Variants in ITIH3 observed in about 807,000 individuals in gnomAD.
ITIH3 encodes the protein inter-alpha-trypsin inhibitor heavy chain H3.
ITIH3 carries 81 observed loss-of-function variants against 96.5 expected under a neutral mutation model. The observed-to-expected ratio is 0.84, with a 90% CI of 0.70 to 1.01. The LOEUF is 1.01. ITIH3 is among the 50% of genes least tolerant of loss of function. ITIH3 has a pLI of 0.00. For missense variants in ITIH3, 1,057 were observed against 1,139.3 expected (o/e 0.93, Z 1.04); for synonymous variants, 422 against 445.2 (o/e 0.95, Z 0.66).
At chr3:52,800,017 A>C in intron 9 of ITIH3, 96 bp downstream of exon 9, 19 of 1,219,260 alleles carry the variant, frequency 1.6e-5, no homozygotes, top group East Asian at 7.2e-5. Context: ...TGCTGGTCTC[A>C]GGCCCTCTTC....
At chr3:52,804,069 G>T in intron 14 of ITIH3, 60 bp downstream of exon 14, 1 of 1,559,076 alleles carries the variant, frequency 6.4e-7, no homozygotes, top group African/African-American at 1.4e-5. Context: ...CCCTACCTGG[G>T]TGTCCAGTGG....
intron 13 of ITIH3, 62 bp downstream of exon 13, chr3:52,802,868 C>T: frequency 6.3e-7 from 1 of 1,581,802 alleles, no homozygotes; most frequent in Admixed American, 1.7e-5. Flanking sequence ...GCAAGGGCAC[C>T]CCCATACGCA....
intron 9 of ITIH3, 102 bp downstream of exon 9, chr3:52,800,023 TCTTC>T: frequency 9.0e-7 from 1 of 1,112,738 alleles, no homozygotes; most frequent in Non-Finnish European, 1.3e-6. Context: ...TCTCAGGCCC[TCTTC>T]AGATCTGAGC....
Position 52,796,831 on chromosome 3 carries a change from C to T in ITIH3, c.374C>T (p.Ala125Val). 1 of 1,606,152 alleles carries T rather than the reference C, an allele frequency of 6.2e-7. No individual in the cohort carries two copies. Among genetic ancestry groups the T allele is most frequent in the Non-Finnish European group, 8.5e-7 (1 of 1,176,450 alleles). The stretch of plus-strand genomic sequence containing the variant: ...AAGGCTGTGTCCCAGGGCAAGACGG[C>T]CGGCTTGGTCAAGTAAGTATGGACT... Reference protein sequence around the residue: ...YEKAVSQGKTAGLVKASGRKL... With the variant: ...YEKAVSQGKTVGLVKASGRKL... Residue 125 changes from alanine to valine, a missense_variant, in exon 4 of 22, where the codon GCC (alanine) becomes GTC (valine). Physicochemically the swap from Ala to Val is moderately conservative, Grantham distance 64. Transcript: ENST00000449956.
In ITIH3 at chr3:52,796,492, C is replaced by T. The variant is rs372383317; in HGVS notation, c.126C>T (p.Gly42=). The part of the protein sequence containing the change: ...KRSLPEGVAN[G]IEVYSTKINS... ...CCACCTCCCCAAAGGTGGCCAATGG[C>T]ATCGAGGTCTACAGTACCAAAATCA... Residue 42 remains glycine (G), a synonymous_variant, in exon 3 of 22, where the codon GGC becomes GGT. Coordinates refer to ENST00000449956, the MANE Select transcript of ITIH3 (RefSeq NM_002217.4). 14 of 1,611,972 alleles carry T rather than the reference C, an allele frequency of 8.7e-6. No individual in the cohort carries two copies. The African/African-American group carries it at 1.9e-4, about 22-fold the overall frequency.
chr3:52,801,930 C>T (rs545178820), intron 11 of ITIH3, among the ~76,000 whole-genome samples: 4 of 152,298 alleles, frequency 2.6e-5, no homozygotes, highest in East Asian at 3.9e-4. Context: ...CTCTGCAGGG[C>T]GACCACCCCA....
At chr3:52,808,492 G>T in intron 21 of ITIH3, 60 bp from the exon 22 acceptor site, 1 of 1,590,702 alleles carries the variant, frequency 6.3e-7, no homozygotes, top group South Asian at 1.1e-5. Context: ...TCTCAGGTCC[G>T]CTAGCCTAGC....
rs776364727 is a variant in ITIH3 at position 52,803,892 on chromosome 3, G to A, written c.1747G>A (p.Ala583Thr). 1 of 1,614,030 alleles carries A rather than the reference G, an allele frequency of 6.2e-7. No homozygotes were observed. The highest frequency in any genetic ancestry group is 1.1e-5 in the South Asian group (1 of 91,082). The change falls in exon 14 of 22, where the codon GCC (alanine) becomes ACC (threonine). Residue 583 changes from alanine (A) to threonine (T), a missense_variant. Coordinates refer to ENST00000449956, the MANE Select transcript of ITIH3 (RefSeq NM_002217.4). ...AHGEEKENLT[A>T]RALDLSLKYH... ...TGGCGAGGAGAAGGAGAACCTCACG[G>A]CCCGGGCCCTGGACCTGTCCCTCAA... is the stretch of plus-strand genomic sequence containing the variant.
chr3:52,801,318 C>G (rs1699822878), intron 11 of ITIH3, among the ~76,000 whole-genome samples, 172 bp downstream of exon 11: 1 of 152,252 alleles, frequency 6.6e-6, no homozygotes, highest in South Asian at 2.1e-4. Context: ...TTGGGCTACA[C>G]AACAGGCCCG....
intron 2 of ITIH3, 47 bp downstream of exon 2, chr3:52,795,670 T>G: frequency 1.3e-6 from 2 of 1,586,282 alleles, no homozygotes; most frequent in Non-Finnish European, 1.7e-6. Flanking sequence ...CAGGGCAGGA[T>G]GGAGCTGGTT....
At chr3:52,802,873 T>C in intron 13 of ITIH3, 67 bp downstream of exon 13, 1 of 1,573,664 alleles carries the variant, frequency 6.4e-7, no homozygotes. Context: ...GGCACCCCCA[T>C]ACGCAGTCCC....
In ITIH3 at chr3:52,797,120, GT is replaced by G. The variant is rs774451798; in HGVS notation, c.404del (p.Leu135TrpfsTer20). On this transcript the variant is annotated frameshift_variant, in exon 5 of 22. Coordinates refer to ENST00000449956, the MANE Select transcript of ITIH3 (RefSeq NM_002217.4). LOFTEE classifies it high-confidence loss of function. ...CCCTGGTCAGGGCCTCTGGGAGGAA[GT>G]TGGAGAAGTTCACAGTCTCGGTCAA... ...AGLVKASGRK[L>X]EKFTVSVNVA... is the part of the protein sequence containing the mutation. 1 of 1,609,646 alleles carries G rather than the reference GT, an allele frequency of 6.2e-7. No individual in the cohort carries two copies. The highest frequency in any genetic ancestry group is 8.5e-7 in the Non-Finnish European group (1 of 1,178,424).
chr3:52,803,960 G>A lies in ITIH3; in HGVS notation c.1815G>A (p.Lys605=). 1 of 1,613,864 alleles carries A rather than the reference G, an allele frequency of 6.2e-7. No homozygotes were observed. The highest frequency in any genetic ancestry group is 8.5e-7 in the Non-Finnish European group (1 of 1,179,838). The change falls in exon 14 of 22, where the codon AAG becomes AAA. Residue 605 remains lysine, a synonymous_variant. Coordinates refer to ENST00000449956, the MANE Select transcript of ITIH3 (RefSeq NM_002217.4). ...CACTGACCTCAATGGTGGTGACCAA[G>A]CCTGAGGACAACGAGGATGAGAGGG... ...VTPLTSMVVT[K]PEDNEDERAI...
Position 52,799,618 on chromosome 3 carries a change from G to A in ITIH3, c.906+130G>A, listed in dbSNP as rs557798146. 2.2e-5 allele frequency: 24 copies of A among 1,093,792 alleles called. No homozygotes were observed. The Admixed American group carries it at 3.1e-4, about 14-fold the overall frequency. 67.8% of individuals were successfully genotyped at this position (1,093,792 alleles called of 1,614,324 possible). A position where few individuals can be genotyped will look rare whatever the true frequency, so the allele number is the denominator to read the frequency against. ...GGGGACAGGATAAGAGAAGGCTCAC[G>A]GCCTCTGCCCGCTTCTGTGGCAAGC... On this transcript the variant is annotated intron_variant, in intron 8 of 21. Coordinates refer to ENST00000449956, the MANE Select transcript of ITIH3 (RefSeq NM_002217.4).
chr3:52,796,139 G>A, intron 2 of ITIH3: 1 of 275,994 alleles, frequency 3.6e-6, no homozygotes, highest in Non-Finnish European at 6.9e-6. Flanking sequence ...TGTGGAGGAT[G>A]AGCAGGAAGA....
In ITIH3 at chr3:52,799,736, CTT is replaced by C. The variant is rs1402347995; in HGVS notation, c.907-15_907-14del. The C allele has an allele frequency of 6.2e-7, 1 of 1,603,192 alleles. No homozygotes were observed. Among genetic ancestry groups the C allele is most frequent in the Non-Finnish European group, 8.5e-7 (1 of 1,175,626 alleles). On this transcript the variant is annotated splice_polypyrimidine_tract_variant and intron_variant, in intron 8 of 21. Transcript: ENST00000449956. The stretch of plus-strand genomic sequence containing the variant: ...CTCTCTGCTGCGGCTTCTCCCAGCT[CTT>C]TGTCTCTCCTCCAGACAAAGGAGGC...
intron 2 of ITIH3, 25 bp downstream of exon 2, chr3:52,795,648 G>A: frequency 6.2e-7 from 1 of 1,610,168 alleles, no homozygotes; most frequent in Non-Finnish European, 8.5e-7. Flanking sequence ...CAGGGGGTGG[G>A]ACCGAGTGGG....
intron 11 of ITIH3, among the ~76,000 whole-genome samples, chr3:52,801,528 T>A (rs1699829572): frequency 6.6e-6 from 1 of 152,174 alleles, no homozygotes; most frequent in Admixed American, 6.5e-5. Context: ...AGCCCGGACA[T>A]CCCAGATCCA....
chr3:52,807,640 C>A, intron 19 of ITIH3, 107 bp from the exon 20 acceptor site: 1 of 997,690 alleles, frequency 1.0e-6, no homozygotes, highest in Non-Finnish European at 1.5e-6. Context: ...AGTCTGTGGG[C>A]CCTCGGGTGC....
Sources: gnomAD v4.1 joint callset for allele counts (sites outside exome capture counted in the v4.1 genomes callset) on GRCh38, gnomAD v4.1.1 for gene constraint, MANE v1.5 for transcripts, NCBI Gene and HGNC (gene_info 2026-07-23, HGNC 2026-07-21) for gene names.